CACNA1C: variants seen among roughly 807,000 people sequenced by gnomAD.
The protein encoded by CACNA1C is calcium voltage-gated channel subunit alpha1 C.
Under a neutral mutation model 229.0 loss-of-function variants are expected in CACNA1C, and 30 were observed. The ratio of observed to expected loss-of-function variants is 0.13; its 90% CI spans 0.10 to 0.18. The LOEUF (loss-of-function observed/expected upper bound fraction) is 0.18. CACNA1C is among the 10% of genes least tolerant of loss of function. The pLI is 1.00. For synonymous variants in CACNA1C, 1,114 were observed against 1,132.5 expected, an observed-to-expected ratio of 0.98 and a Z score of 0.33; for missense variants, 1,658 against 2,845.0, an observed-to-expected ratio of 0.58 and a Z score of 9.49.
At chr12:2,521,740 T>A (rs181398643) in intron 9 of CACNA1C, among the ~76,000 whole-genome samples, 22 of 152,122 alleles carry the variant, frequency 1.4e-4, no homozygotes, top group Admixed American at 1.1e-3. Context: ...ACTCCTTCCC[T>A]CCTCTCCCCT....
intron 1 of CACNA1C, among the ~76,000 whole-genome samples, chr12:1,990,420 T>C (rs2039062821): frequency 6.6e-6 from 1 of 152,236 alleles, no homozygotes. Context: ...TAATCTATTT[T>C]GTGTTTGAAT....
rs117170680 is a variant in CACNA1C, at chr12:2,116,259, A to G, written c.371+714A>G. ...GAAGTGTTCTGTTTGTCCATATAGA[A>G]ACAAGCAAATGGGTCCTTCAGAAAC... is the stretch of plus-strand genomic sequence containing the variant. On this transcript the variant is annotated intron_variant, in intron 2 of 46. Transcript: ENST00000399655. Among the ~76,000 whole-genome samples the G allele has an allele frequency of 6.2e-4, 95 of 152,348 alleles. No homozygotes were observed. In the East Asian group the frequency reaches 7.3e-3, roughly 12 times the overall value.
At chr12:2,070,874 C>A (rs1035567793) in intron 1 of CACNA1C, among the ~76,000 whole-genome samples, 3 of 144,056 alleles carry the variant, frequency 2.1e-5, no homozygotes, top group African/African-American at 7.8e-5. Flanking sequence ...TCTTTATTTT[C>A]TTTCTTTCCC....
intron 34 of CACNA1C, 108 bp from the exon 35 acceptor site, chr12:2,664,717 T>C (rs1199420976): frequency 4.8e-5 from 40 of 826,926 alleles, no homozygotes; most frequent in Non-Finnish European, 6.9e-5. Context: ...TTCATTTTAG[T>C]AACTCCCTCT....
chr12:2,203,354 T>C (rs932704218), intron 3 of CACNA1C, among the ~76,000 whole-genome samples: 1 of 152,166 alleles, frequency 6.6e-6, no homozygotes, highest in Non-Finnish European at 1.5e-5. Flanking sequence ...GCAGGGACTG[T>C]TCGTTGTTAG....
Position 2,688,790 on chromosome 12 carries a change from CG to C in CACNA1C, c.6117+12del. On this transcript the variant is annotated intron_variant, in intron 46 of 46. Transcript: ENST00000399655. ...AGCCTGGTGGAAGCGGTAGGTGACTCGCAGATGGGCAGGGGGGAGAGGCCAC... is the reference window on the plus strand; with the variant it reads ...AGCCTGGTGGAAGCGGTAGGTGACTCCAGATGGGCAGGGGGGAGAGGCCAC... The C allele has an allele frequency of 2.7e-6, 4 of 1,495,902 alleles. No individual in the cohort carries two copies. The highest frequency in any genetic ancestry group is 3.6e-6 in the Non-Finnish European group (4 of 1,123,164). 92.7% of individuals were successfully genotyped at this position (1,495,902 alleles called of 1,614,324 possible).
chr12:2,452,695 G>T (rs369914767), intron 4 of CACNA1C, among the ~76,000 whole-genome samples: 2 of 152,140 alleles, frequency 1.3e-5, no homozygotes, highest in Non-Finnish European at 2.9e-5. Context: ...AATTAAAAGC[G>T]GATACTTAAT....
At chr12:2,184,683 C>T (rs559078569) in intron 3 of CACNA1C, among the ~76,000 whole-genome samples, 22 of 152,290 alleles carry the variant, frequency 1.4e-4, no homozygotes, top group African/African-American at 4.3e-4. Context: ...ATGTCATGGG[C>T]TCTGGAAGCA....
At chr12:2,023,529 C>T (rs115234929) in intron 1 of CACNA1C, among the ~76,000 whole-genome samples, 1 of 152,164 alleles carries the variant, frequency 6.6e-6, no homozygotes, top group Non-Finnish European at 1.5e-5. Flanking sequence ...AGAACTTCCT[C>T]CTATTGGCTA....
chr12:2,372,011 A>G (rs1022240025), intron 3 of CACNA1C, among the ~76,000 whole-genome samples: 1 of 152,178 alleles, frequency 6.6e-6, no homozygotes, highest in Non-Finnish European at 1.5e-5. Context: ...GGACTTCAGA[A>G]TGGCCCATAA....
Position 2,420,273 on chromosome 12 carries a change from C to T in CACNA1C, c.478-28703C>T, listed in dbSNP as rs1360439394. 5.9e-5 allele frequency among the ~76,000 whole-genome samples: 9 copies of T among 152,088 alleles called. No homozygotes were observed. In the South Asian group the frequency reaches 1.2e-3, roughly 21 times the overall value. On this transcript the variant is annotated intron_variant, in intron 3 of 46. Coordinates refer to ENST00000399655, the MANE Select transcript of CACNA1C (RefSeq NM_000719.7). The stretch of plus-strand genomic sequence containing the variant: ...TCTTTCCCTCCATCCTTGGAAGTTG[C>T]GTTCCAGCCAGCTGCCACTGTTAAT...
chr12:2,685,610 T>C (rs2097414409), intron 43 of CACNA1C, 126 bp from the exon 44 acceptor site: 4 of 705,480 alleles, frequency 5.7e-6, no homozygotes, highest in African/African-American at 3.5e-5. Context: ...CAAACCTGCA[T>C]GTAAGCACAA....
intron 3 of CACNA1C, among the ~76,000 whole-genome samples, chr12:2,444,452 TG>T (rs938475878): frequency 9.2e-5 from 14 of 152,168 alleles, no homozygotes; most frequent in African/African-American, 3.4e-4. Flanking sequence ...CACATGCTAA[TG>T]GGGGTTTGTA....
chr12:2,466,053 C>T (rs530778790), intron 5 of CACNA1C, among the ~76,000 whole-genome samples: 2 of 152,274 alleles, frequency 1.3e-5, no homozygotes, highest in East Asian at 3.9e-4. Context: ...ACACGCATCC[C>T]GAGATGTAGT....
chr12:2,111,597 T>A (rs1412919117), intron 1 of CACNA1C, among the ~76,000 whole-genome samples: 6 of 151,508 alleles, frequency 4.0e-5, no homozygotes, highest in Non-Finnish European at 7.4e-5. Flanking sequence ...GGGCTTACCA[T>A]GAGTGAATTG....
intron 34 of CACNA1C, 38 bp downstream of exon 34, chr12:2,655,276 C>T (rs1286615091): frequency 4.0e-6 from 5 of 1,262,026 alleles, no homozygotes; most frequent in South Asian, 1.2e-5. Flanking sequence ...GATACACACA[C>T]ACCTGCATGG....
chr12:2,213,484 A>T (rs1012001400), intron 3 of CACNA1C, among the ~76,000 whole-genome samples: 1 of 152,198 alleles, frequency 6.6e-6, no homozygotes, highest in Non-Finnish European at 1.5e-5. Context: ...ACACATGGAC[A>T]TCTAGACGGG....
Position 2,610,579 on chromosome 12 carries a change from G to A in CACNA1C, c.3597G>A (p.Leu1199=), listed in dbSNP as rs2077209035. The change falls in exon 28 of 47, where the codon CTG becomes CTA. Residue 1199 remains leucine, a synonymous_variant. Transcript: ENST00000399655. Reference sequence around the variant, plus strand: ...AATACGCCCTCAAGGCCCGGCCCCTGCGGAGGTACATCCCCAAGAACCAGC... The same window carrying A: ...AATACGCCCTCAAGGCCCGGCCCCTACGGAGGTACATCCCCAAGAACCAGC... The part of the protein sequence containing the change: ...CVEYALKARP[L]RRYIPKNQHQ... 13 of 1,613,918 alleles carry A rather than the reference G, an allele frequency of 8.1e-6. No individual in the cohort carries two copies. The highest frequency in any genetic ancestry group is 1.1e-5 in the Non-Finnish European group (13 of 1,179,930).
chr12:2,091,582 GGACCCTTGTGATGACCTCA>G (rs141693843), intron 1 of CACNA1C, among the ~76,000 whole-genome samples: 7,993 of 152,196 alleles, frequency 0.053, 674 homozygotes, highest in African/African-American at 0.18. Flanking sequence ...CCTCTTCCGA[GGACCCTTGTGATGACCTCA>G]GACCCACATG....
Sources: allele counts gnomAD v4.1 joint callset (sites outside exome capture counted in the v4.1 genomes callset), GRCh38; gene constraint gnomAD v4.1.1; transcripts MANE v1.5; gene names NCBI Gene and HGNC (gene_info 2026-07-23, HGNC 2026-07-21).